The following PPP1R9A variants were observed in gnomAD, a reference collection of about 807,000 sequenced individuals.
The protein encoded by PPP1R9A is neurabin-1.
A neutral mutation model predicts 141.9 loss-of-function variants in PPP1R9A; 59 were observed. That is an observed-to-expected ratio of 0.42 (90% CI 0.34 to 0.52). The LOEUF (loss-of-function observed/expected upper bound fraction) is 0.52, where lower values mean the gene tolerates loss of function less well. Ranked by LOEUF, PPP1R9A falls within the 20% of genes least tolerant of loss-of-function variation. The pLI, the probability that PPP1R9A is intolerant of heterozygous loss-of-function variation, is 0.10. For synonymous variants in PPP1R9A, 500 were observed against 569.7 expected (o/e 0.88, Z 1.74); for missense variants, 1,444 against 1,611.9 (o/e 0.90, Z 1.78).
intron 18 of PPP1R9A, among the ~76,000 whole-genome samples, chr7:95,287,467 A>G (rs1213342731): frequency 1.3e-5 from 2 of 152,138 alleles, no homozygotes; most frequent in African/African-American, 4.8e-5. Context: ...GTGGGTCACC[A>G]AGGTGACTCC....
intron 2 of PPP1R9A, among the ~76,000 whole-genome samples, chr7:95,062,391 A>C (rs1365275797): frequency 6.6e-6 from 1 of 151,786 alleles, no homozygotes; most frequent in African/African-American, 2.4e-5. Flanking sequence ...CTTCAAGTGG[A>C]AGTAGTTCAG....
At chr7:95,052,670 T>C (rs1263513255) in intron 2 of PPP1R9A, among the ~76,000 whole-genome samples, 6 of 152,216 alleles carry the variant, frequency 3.9e-5, no homozygotes, top group African/African-American at 1.4e-4. Context: ...TTCTTCTTCC[T>C]GCTGGATATC....
intron 2 of PPP1R9A, among the ~76,000 whole-genome samples, chr7:94,951,255 T>C (rs1381316325): frequency 6.6e-6 from 1 of 152,068 alleles, no homozygotes; most frequent in Non-Finnish European, 1.5e-5. Context: ...TACTTGGACC[T>C]CCTTTAAAAT....
At chr7:94,993,604 A>C (rs972266235) in intron 2 of PPP1R9A, among the ~76,000 whole-genome samples, 2 of 151,680 alleles carry the variant, frequency 1.3e-5, no homozygotes, top group African/African-American at 4.8e-5. Flanking sequence ...TATCTTACAC[A>C]CTTTTTTTTT....
intron 4 of PPP1R9A, among the ~76,000 whole-genome samples, chr7:95,122,589 C>G (rs1822844912): frequency 6.6e-6 from 1 of 152,156 alleles, no homozygotes; most frequent in South Asian, 2.1e-4. Flanking sequence ...TAGTTGGTAG[C>G]CTTGTTTGTA....
intron 3 of PPP1R9A, among the ~76,000 whole-genome samples, chr7:95,119,753 C>T (rs761679095): frequency 4.6e-5 from 7 of 151,890 alleles, no homozygotes; most frequent in East Asian, 3.9e-4. Flanking sequence ...TGTGCCCAGG[C>T]GCTTCATTGG....
chr7:95,184,200 A>C (rs1183234240), intron 5 of PPP1R9A, among the ~76,000 whole-genome samples: 1 of 152,210 alleles, frequency 6.6e-6, no homozygotes, highest in Non-Finnish European at 1.5e-5. Context: ...TCAAATTCAG[A>C]GAAAAGCCAT....
rs116579070 is a variant in PPP1R9A at position 94,972,639 on chromosome 7, A to C, written c.1395+61131A>C. On this transcript the variant is annotated intron_variant, in intron 2 of 19. Coordinates refer to ENST00000433360, the MANE Select transcript of PPP1R9A (RefSeq NM_001166160.2). ...ATTCCAGCTGTGTTTCCTGGGTTTG[A>C]GTTTTCTTCCCAGGAACTGGCCTTT... 4.2e-3 allele frequency among the ~76,000 whole-genome samples: 637 copies of C among 152,258 alleles called. 4 individuals are homozygous for C. Among genetic ancestry groups the C allele is most frequent in the African/African-American group, 0.015 (622 of 41,550 alleles).
chr7:95,162,056 A>G, intron 5 of PPP1R9A, 85 bp downstream of exon 5: 1 of 793,978 alleles, frequency 1.3e-6, no homozygotes, highest in Non-Finnish European at 1.9e-6. Context: ...AATAAATGTA[A>G]TTACAATGAC....
chr7:94,943,614 A>C (rs1258806400), intron 2 of PPP1R9A, among the ~76,000 whole-genome samples: 1 of 94,440 alleles, frequency 1.1e-5, no homozygotes, highest in Non-Finnish European at 2.1e-5. Flanking sequence ...AGTCAAGCTT[A>C]TGATTGCCTC....
intron 7 of PPP1R9A, among the ~76,000 whole-genome samples, chr7:95,205,722 T>TCATCTC (rs1790643977): frequency 1.3e-5 from 2 of 152,190 alleles, no homozygotes; most frequent in Admixed American, 1.3e-4. Flanking sequence ...CATTTAAGTT[T>TCATCTC]CATCTCCTTC....
chr7:95,119,758 C>G (rs1339451595), intron 3 of PPP1R9A, among the ~76,000 whole-genome samples: 1 of 151,688 alleles, frequency 6.6e-6, no homozygotes, highest in African/African-American at 2.4e-5. Context: ...CCAGGCGCTT[C>G]ATTGGTTTTT....
intron 2 of PPP1R9A, among the ~76,000 whole-genome samples, chr7:95,053,656 C>T (rs1811106265): frequency 1.3e-5 from 2 of 152,128 alleles, no homozygotes; most frequent in South Asian, 4.1e-4. Context: ...AACTTGGATT[C>T]CTAATCCTGA....
intron 4 of PPP1R9A, among the ~76,000 whole-genome samples, chr7:95,154,053 G>A (rs1829172186): frequency 6.6e-6 from 1 of 151,530 alleles, no homozygotes. Flanking sequence ...TGCTTTTTTA[G>A]TGTCCATTTT....
intron 2 of PPP1R9A, among the ~76,000 whole-genome samples, chr7:94,958,187 G>A (rs915750061): frequency 6.6e-6 from 1 of 152,018 alleles, no homozygotes; most frequent in African/African-American, 2.4e-5. Flanking sequence ...TGATTTGCCG[G>A]AAGGAGTTTG....
chr7:95,233,209 G>T (rs1009527418), intron 8 of PPP1R9A, among the ~76,000 whole-genome samples: 10 of 152,162 alleles, frequency 6.6e-5, no homozygotes, highest in Non-Finnish European at 1.2e-4. Flanking sequence ...ATGACTTAAT[G>T]TCCTTTGCAG....
chr7:94,923,942 C>G (rs1793145795), intron 2 of PPP1R9A, among the ~76,000 whole-genome samples: 1 of 152,134 alleles, frequency 6.6e-6, no homozygotes. Context: ...ACAATATAAT[C>G]TGGTGTTTGG....
chr7:95,018,788 G>A (rs1267653126), intron 2 of PPP1R9A, among the ~76,000 whole-genome samples: 4 of 152,132 alleles, frequency 2.6e-5, no homozygotes, highest in Non-Finnish European at 5.9e-5. Context: ...CAAACATGAA[G>A]CTCTTACTGC....
chr7:95,177,366 A>G (rs1218476134), intron 5 of PPP1R9A, among the ~76,000 whole-genome samples: 1 of 152,170 alleles, frequency 6.6e-6, no homozygotes, highest in Non-Finnish European at 1.5e-5. Context: ...CTGCTAAAAG[A>G]AGCTCTAAAT....
Sources: allele counts gnomAD v4.1 joint callset (sites outside exome capture counted in the v4.1 genomes callset), GRCh38; gene constraint gnomAD v4.1.1; transcripts MANE v1.5; gene names NCBI Gene and HGNC (gene_info 2026-07-23, HGNC 2026-07-21).